DEPTOR: variants seen among roughly 807,000 people sequenced by gnomAD.
DEPTOR encodes the protein DEP domain containing MTOR interacting protein.
A neutral mutation model predicts 41.6 loss-of-function variants in DEPTOR; 41 were observed. The ratio of observed to expected loss-of-function variants is 0.98; its 90% CI spans 0.77 to 1.28. The LOEUF (loss-of-function observed/expected upper bound fraction) is 1.28. Among genes scored for constraint, DEPTOR ranks in the 50% most tolerant of loss-of-function variants. The pLI, the probability that DEPTOR is intolerant of heterozygous loss-of-function variation, is 0.00. For missense variants in DEPTOR, 514 were observed against 527.9 expected (o/e 0.97, Z 0.26); for synonymous variants, 195 against 192.3 (o/e 1.01, Z -0.12).
rs570294640 is a variant in DEPTOR at position 119,955,451 on chromosome 8, T to C, written c.426-9781T>C. Among the ~76,000 whole-genome samples the C allele has an allele frequency of 2.5e-4, 38 of 152,244 alleles. No individual in the cohort carries two copies. In the South Asian group the frequency reaches 7.9e-3, roughly 32 times the overall value. ...TTAATGTTTAGTTCCATAATCCATT[T>C]TGACATAATTTTTTTCCTTTCTTTT... On this transcript the variant is annotated intron_variant, in intron 3 of 8. Transcript: ENST00000286234.
chr8:119,937,209 G>A (rs1828125023), intron 3 of DEPTOR, among the ~76,000 whole-genome samples: 1 of 152,054 alleles, frequency 6.6e-6, no homozygotes, highest in African/African-American at 2.4e-5. Context: ...AGACTAGCCT[G>A]ACCAATATGG....
intron 4 of DEPTOR, among the ~76,000 whole-genome samples, chr8:119,985,217 A>G (rs200442349): frequency 3.9e-5 from 6 of 152,100 alleles, no homozygotes; most frequent in Admixed American, 3.9e-4. Context: ...TCCAGCATCT[A>G]TTGTTTCCCA....
chr8:119,881,196 G>A (rs115953581), intron 1 of DEPTOR, among the ~76,000 whole-genome samples: 2,829 of 152,208 alleles, frequency 0.019, 85 homozygotes, highest in African/African-American at 0.063. Flanking sequence ...TCCTAAATTT[G>A]CTTTGCAAAT....
chr8:119,922,237 C>CAA lies in DEPTOR; in HGVS notation c.123-6149_123-6148dup, dbSNP rs34430128. On this transcript the variant is annotated intron_variant, in intron 1 of 8. Transcript: ENST00000286234. ...CTGGGCAACAAGAGTGAAACTGTCT[C>CAA]AAAAAAAAAAAAAAAGATAAATACT... 1.5e-3 allele frequency among the ~76,000 whole-genome samples: 190 copies of CAA among 125,858 alleles called. 1 individual carries two copies. The highest frequency in any genetic ancestry group is 4.2e-3 in the Middle Eastern group (1 of 236). 82.6% of individuals were successfully genotyped at this position (125,858 alleles called of 152,430 possible). A position where few individuals can be genotyped will look rare whatever the true frequency, so the allele number is the denominator to read the frequency against.
chr8:119,898,273 G>C lies in DEPTOR; in HGVS notation c.122+24305G>C, dbSNP rs544871312. On this transcript the variant is annotated intron_variant, in intron 1 of 8. Coordinates refer to ENST00000286234, the MANE Select transcript of DEPTOR (RefSeq NM_022783.4). ...TATATCTAAGAAAGAAAAGATGTGT[G>C]TTGTGTACGTGTGTGAATGTGTTTC... Among the ~76,000 whole-genome samples the C allele has an allele frequency of 2.6e-5, 4 of 152,258 alleles. No individual in the cohort carries two copies. The East Asian group carries it at 7.7e-4, about 29-fold the overall frequency.
intron 8 of DEPTOR, among the ~76,000 whole-genome samples, chr8:120,016,918 G>T (rs1812620898): frequency 6.6e-6 from 1 of 152,050 alleles, no homozygotes; most frequent in Admixed American, 6.6e-5. Flanking sequence ...CAACCTCAAT[G>T]TATGAATTCT....
chr8:120,001,761 T>C, intron 5 of DEPTOR, 51 bp downstream of exon 5: 1 of 1,561,040 alleles, frequency 6.4e-7, no homozygotes, highest in Non-Finnish European at 8.7e-7. Flanking sequence ...TTTTGAGAAA[T>C]AGTGGAGCCA....
chr8:119,940,407 C>A (rs1469949043), intron 3 of DEPTOR, among the ~76,000 whole-genome samples: 1 of 152,080 alleles, frequency 6.6e-6, no homozygotes, highest in Admixed American at 6.6e-5. Flanking sequence ...AATGAATAAA[C>A]AAAATGTGAT....
At chr8:120,013,030 G>A (rs1351487111) in intron 8 of DEPTOR, among the ~76,000 whole-genome samples, 1 of 151,844 alleles carries the variant, frequency 6.6e-6, no homozygotes, top group Non-Finnish European at 1.5e-5. Context: ...GCTGGTGGGT[G>A]CCTATAGTCC....
At chr8:120,027,257 A>ATAATAG (rs1812812512) in intron 8 of DEPTOR, among the ~76,000 whole-genome samples, 2 of 150,222 alleles carry the variant, frequency 1.3e-5, no homozygotes, top group African/African-American at 4.9e-5. Flanking sequence ...AATAATAATA[A>ATAATAG]TAATGCCTTT....
rs1813223579 is a variant in DEPTOR, at chr8:120,050,704, G to A, written c.*1000G>A. ...TTTTTCACCAAAATGATCATCTTGT[G>A]TTGTAACTTTTCAGCTCACTTGTAT... On this transcript the variant is annotated 3_prime_UTR_variant, in exon 9 of 9. Coordinates refer to ENST00000286234, the MANE Select transcript of DEPTOR (RefSeq NM_022783.4). The A allele has an allele frequency of 6.6e-6, 1 of 152,150 alleles. No individual in the cohort carries two copies. The highest frequency in any genetic ancestry group is 1.9e-4 in the East Asian group (1 of 5,190). The allele number at this position is 152,150 out of a possible 1,614,324, so 9.4% of individuals were successfully genotyped here.
At chr8:119,979,942 A>C (rs2130015309) in intron 4 of DEPTOR, among the ~76,000 whole-genome samples, 1 of 152,286 alleles carries the variant, frequency 6.6e-6, no homozygotes, top group East Asian at 1.9e-4. Context: ...AAAAACTGGA[A>C]AAACTCTTGA....
intron 8 of DEPTOR, among the ~76,000 whole-genome samples, chr8:120,026,368 G>A (rs928007730): frequency 2.6e-5 from 4 of 151,368 alleles, no homozygotes; most frequent in South Asian, 2.1e-4. Flanking sequence ...TTGAGATGGA[G>A]TTTTGCTCTT....
intron 1 of DEPTOR, among the ~76,000 whole-genome samples, chr8:119,908,259 G>A (rs2129775751): frequency 6.6e-6 from 1 of 152,134 alleles, no homozygotes; most frequent in East Asian, 1.9e-4. Context: ...ATCTCCATCT[G>A]GCATTCATCA....
intron 3 of DEPTOR, among the ~76,000 whole-genome samples, chr8:119,947,406 C>A (rs556792460): frequency 6.6e-6 from 1 of 152,288 alleles, no homozygotes; most frequent in East Asian, 1.9e-4. Context: ...TCTCCTAGTC[C>A]ATGCTGAGAT....
At chr8:119,918,634 T>C (rs1827847152) in intron 1 of DEPTOR, among the ~76,000 whole-genome samples, 1 of 152,148 alleles carries the variant, frequency 6.6e-6, no homozygotes, top group Non-Finnish European at 1.5e-5. Context: ...CTAATTTTTG[T>C]ATTTTTGGTA....
rs145704862 is a variant in DEPTOR at position 119,900,148 on chromosome 8, G to A, written c.122+26180G>A. Among the ~76,000 whole-genome samples the A allele has an allele frequency of 2.5e-3, 378 of 151,696 alleles. 3 individuals are homozygous for A. The highest frequency in any genetic ancestry group is 7.4e-3 in the African/African-American group (304 of 41,340). ...AGCCTGGCCAACATGGTAAAACCCCGTCTTTACTAAAGATACAAAATATTA... is the reference window on the plus strand; with the variant it reads ...AGCCTGGCCAACATGGTAAAACCCCATCTTTACTAAAGATACAAAATATTA... On this transcript the variant is annotated intron_variant, in intron 1 of 8. Coordinates refer to ENST00000286234, the MANE Select transcript of DEPTOR (RefSeq NM_022783.4).
At position 119,965,305 on chromosome 8, in the gene DEPTOR, G is replaced by A. The variant is rs1207825356; in HGVS notation, c.499G>A (p.Ala167Thr). 4 of 1,614,024 alleles carry A rather than the reference G, an allele frequency of 2.5e-6. No homozygotes were observed. Among genetic ancestry groups the A allele is most frequent in the Non-Finnish European group, 3.4e-6 (4 of 1,180,012 alleles). ...GGTCAAGTATGAGCGCACCTTCATG[G>A]CATCTGAATTCCTGGACTGGCTGGT... is the stretch of plus-strand genomic sequence containing the variant. ...EGVKYERTFM[A>T]SEFLDWLVQE... Residue 167 changes from alanine (A) to threonine (T), a missense_variant, in exon 4 of 9, where the codon GCA becomes ACA. Transcript: ENST00000286234.
At position 119,873,986 on chromosome 8, in the gene DEPTOR, G is replaced by A; in HGVS notation, c.122+18G>A. ...CAGCTACGGTAAGGCAAGAGACACA[G>A]CGGGTGAGCTCACGATGGCACTGCC... On this transcript the variant is annotated intron_variant, in intron 1 of 8. Transcript: ENST00000286234. 6.2e-7 allele frequency: 1 copy of A among 1,612,918 alleles called. No homozygotes were observed. The highest frequency in any genetic ancestry group is 1.1e-5 in the South Asian group (1 of 91,022).
Sources: gnomAD v4.1 joint callset for allele counts (sites outside exome capture counted in the v4.1 genomes callset) on GRCh38, gnomAD v4.1.1 for gene constraint, MANE v1.5 for transcripts, NCBI Gene and HGNC (gene_info 2026-07-23, HGNC 2026-07-21) for gene names.